PCDHGA9: variants seen among roughly 807,000 people sequenced by gnomAD.
PCDHGA9 encodes the protein protocadherin gamma subfamily A, 9, also known as protocadherin gamma-A9.
In PCDHGA9, 37 loss-of-function variants were observed where a neutral mutation model predicts 62.5. That is an observed-to-expected ratio of 0.59 (90% CI 0.46 to 0.78). The LOEUF (loss-of-function observed/expected upper bound fraction) is 0.78. Among genes scored for constraint, PCDHGA9 ranks in the 30% least tolerant of loss-of-function variants. PCDHGA9 has a pLI of 0.00. For missense variants in PCDHGA9, 1,138 were observed against 1,166.2 expected (o/e 0.98, Z 0.35); for synonymous variants, 459 against 484.6 (o/e 0.95, Z 0.69).
chr5:141,488,175 T>C (rs889217562), intron 1 of PCDHGA9, among the ~76,000 whole-genome samples: 1 of 152,168 alleles, frequency 6.6e-6, no homozygotes, highest in Non-Finnish European at 1.5e-5. Context: ...AGTGGTGGCA[T>C]AGATCTTTTG....
Position 141,485,244 on chromosome 5 carries a change from T to G in PCDHGA9, c.2425-9563T>G. 5 of 1,614,168 alleles carry G rather than the reference T, an allele frequency of 3.1e-6. No individual in the cohort carries two copies. Among genetic ancestry groups the G allele is most frequent in the Non-Finnish European group, 4.2e-6 (5 of 1,180,006 alleles). On this transcript the variant is annotated intron_variant, in intron 1 of 3. Transcript: ENST00000573521. This position sits in a 1 kb window ranked among gnomAD's most constrained non-coding sequence, Gnocchi z 5.7. Reference sequence around the variant, plus strand: ...ACCCTTTTGTTCCTCTTTTACCACCTGGGTTACGTTTGTGGGCAGATCCGC... The same window carrying G: ...ACCCTTTTGTTCCTCTTTTACCACCGGGGTTACGTTTGTGGGCAGATCCGC...
chr5:141,454,762 G>C (rs889314181), intron 1 of PCDHGA9, among the ~76,000 whole-genome samples: 4 of 115,056 alleles, frequency 3.5e-5, no homozygotes, highest in African/African-American at 6.6e-5. Context: ...ATCTTGACAT[G>C]TTTTTTACAA....
At position 141,413,851 on chromosome 5, in the gene PCDHGA9, C is replaced by T. The variant is rs766108205; in HGVS notation, c.2424+8475C>T. The T allele has an allele frequency of 1.5e-5, 25 of 1,613,340 alleles. No homozygotes were observed. In the East Asian group the frequency reaches 2.7e-4, roughly 17 times the overall value. ...CGCCTCCGACGGGGGTGACCCTCTC[C>T]GATCTGGCACTGTCCTTGTCAGTGT... On this transcript the variant is annotated intron_variant, in intron 1 of 3. Coordinates refer to ENST00000573521, the MANE Select transcript of PCDHGA9 (RefSeq NM_018921.3).
chr5:141,473,033 GGAAA>G (rs1282468299), intron 1 of PCDHGA9, among the ~76,000 whole-genome samples: 6 of 146,356 alleles, frequency 4.1e-5, no homozygotes, highest in South Asian at 2.2e-4. Flanking sequence ...AAGGAAGGAA[GGAAA>G]GAAAGAAAGA....
At chr5:141,466,384 T>C (rs1209046694) in intron 1 of PCDHGA9, among the ~76,000 whole-genome samples, 9 of 152,168 alleles carry the variant, frequency 5.9e-5, no homozygotes, top group Non-Finnish European at 1.3e-4. Context: ...ACCCATCTAA[T>C]GGAAAGTTTG....
At chr5:141,464,223 CCACTGCA>C (rs916210777) in intron 1 of PCDHGA9, among the ~76,000 whole-genome samples, 4 of 150,824 alleles carry the variant, frequency 2.7e-5, no homozygotes, top group Non-Finnish European at 4.4e-5. Flanking sequence ...TGAGATTGCG[CCACTGCA>C]CTCCAGCCTG....
At chr5:141,460,425 G>A (rs953425058) in intron 1 of PCDHGA9, among the ~76,000 whole-genome samples, 3 of 152,114 alleles carry the variant, frequency 2.0e-5, no homozygotes. Flanking sequence ...TATGTATGGT[G>A]TATGGTGTGA....
intron 1 of PCDHGA9, among the ~76,000 whole-genome samples, chr5:141,449,525 G>T (rs2098641561): frequency 6.7e-6 from 1 of 148,580 alleles, no homozygotes; most frequent in South Asian, 2.1e-4. Flanking sequence ...GGAGGCGGAG[G>T]TTGCAGTGAG....
chr5:141,478,434 T>C (rs747890986), intron 1 of PCDHGA9: 2 of 1,613,700 alleles, frequency 1.2e-6, no homozygotes, highest in East Asian at 2.2e-5. Flanking sequence ...GACCCGCTGC[T>C]GAAGAAACCT....
chr5:141,497,858 C>T (rs920483410), intron 2 of PCDHGA9, among the ~76,000 whole-genome samples: 3 of 152,218 alleles, frequency 2.0e-5, no homozygotes, highest in Non-Finnish European at 2.9e-5. Flanking sequence ...TTTGATTCAG[C>T]GGCTCCAAAG....
At chr5:141,446,669 C>T (rs554578186) in intron 1 of PCDHGA9, among the ~76,000 whole-genome samples, 2 of 152,182 alleles carry the variant, frequency 1.3e-5, no homozygotes, top group Admixed American at 1.3e-4. Flanking sequence ...TACAAGACAG[C>T]ATTTCACCAT....
At chr5:141,494,564 G>A (rs2099755274) in intron 1 of PCDHGA9, among the ~76,000 whole-genome samples, 1 of 152,138 alleles carries the variant, frequency 6.6e-6, no homozygotes, top group Non-Finnish European at 1.5e-5. Context: ...TTTAGGAAAG[G>A]AGTCTCAGCT....
chr5:141,490,775 A>G lies in PCDHGA9; in HGVS notation c.2425-4032A>G. 6 of 1,614,110 alleles carry G rather than the reference A, an allele frequency of 3.7e-6. No homozygotes were observed. Among genetic ancestry groups the G allele is most frequent in the Non-Finnish European group, 5.1e-6 (6 of 1,179,964 alleles). On this transcript the variant is annotated intron_variant, in intron 1 of 3. Transcript: ENST00000573521. The surrounding 1 kb of genome is among the most constrained non-coding windows in gnomAD (Gnocchi z 5.4). ...TCCTCCTTTGTGTATGTCAACCCAG[A>G]GGATGGACGGATCTTTGCCCAGCGT...
At chr5:141,429,164 G>A (rs2097189096) in intron 1 of PCDHGA9, 1 of 131,392 alleles carries the variant, frequency 7.6e-6, no homozygotes, top group African/African-American at 3.1e-5. Flanking sequence ...CGGAGACATT[G>A]TTTATACACA....
Position 141,491,756 on chromosome 5 carries a change from C to T in PCDHGA9, c.2425-3051C>T. The T allele has an allele frequency of 1.3e-6, 2 of 1,581,720 alleles. No individual in the cohort carries two copies. Among genetic ancestry groups the T allele is most frequent in the Non-Finnish European group, 8.6e-7 (1 of 1,165,100 alleles). ...CCTGGGGGCGGCACTGGAGAAGCCG[C>T]CCGTCCTCATAAGGGATTGAACTTG... On this transcript the variant is annotated intron_variant, in intron 1 of 3. Coordinates refer to ENST00000573521, the MANE Select transcript of PCDHGA9 (RefSeq NM_018921.3). This position sits in a 1 kb window ranked among gnomAD's most constrained non-coding sequence, Gnocchi z 6.9.
chr5:141,448,524 T>C (rs1177408162), intron 1 of PCDHGA9, among the ~76,000 whole-genome samples: 1 of 152,194 alleles, frequency 6.6e-6, no homozygotes, highest in Non-Finnish European at 1.5e-5. Context: ...TTATTAAGCA[T>C]CCTGTCAGCA....
intron 1 of PCDHGA9, chr5:141,422,736 C>T (rs1408210168): frequency 9.9e-6 from 16 of 1,608,328 alleles, no homozygotes; most frequent in Non-Finnish European, 1.2e-5. Context: ...TGCCTCTGTC[C>T]TCCTATGTCT....
intron 1 of PCDHGA9, chr5:141,415,910 A>G: frequency 1.3e-6 from 1 of 757,484 alleles, no homozygotes; most frequent in Non-Finnish European, 1.8e-6. Context: ...ACTTCCATAC[A>G]GAAGTGCCTG....
Position 141,486,006 on chromosome 5 carries a change from C to G in PCDHGA9, c.2425-8801C>G, listed in dbSNP as rs1394484191. The G allele has an allele frequency of 1.9e-6, 3 of 1,614,190 alleles. No individual in the cohort carries two copies. The highest frequency in any genetic ancestry group is 1.1e-5 in the South Asian group (1 of 91,084). On this transcript the variant is annotated intron_variant, in intron 1 of 3. Transcript: ENST00000573521. The surrounding 1 kb of genome is among the most constrained non-coding windows in gnomAD (Gnocchi z 5.0). Reference sequence around the variant, plus strand: ...GACCTGGGTCCCAGTGGTAACGTCACCTTTTATTTCAGTGGTCATACCCCT... The same window carrying G: ...GACCTGGGTCCCAGTGGTAACGTCAGCTTTTATTTCAGTGGTCATACCCCT...
Sources: allele counts gnomAD v4.1 joint callset (sites outside exome capture counted in the v4.1 genomes callset), GRCh38; gene constraint gnomAD v4.1.1; non-coding constraint Gnocchi (gnomAD v3.1); transcripts MANE v1.5; gene names NCBI Gene and HGNC (gene_info 2026-07-23, HGNC 2026-07-21).